Variants in NFIL3 observed in about 807,000 individuals in gnomAD.
The protein encoded by NFIL3 is nuclear factor, interleukin 3 regulated, also known as nuclear factor interleukin-3-regulated protein.
Under a neutral mutation model 10.0 loss-of-function variants are expected in NFIL3, and 5 were observed. That is an observed-to-expected ratio of 0.50 (90% CI 0.26 to 1.06). The LOEUF is 1.06. NFIL3 is among the 50% of genes least tolerant of loss of function. The pLI is 0.13. For missense variants in NFIL3, 436 were observed against 547.6 expected, an observed-to-expected ratio of 0.80 and a Z score of 2.03; for synonymous variants, 202 against 206.5, an observed-to-expected ratio of 0.98 and a Z score of 0.19.
At chr9:91,424,024 G>A (rs1233809197), upstream of NFIL3, among the ~76,000 whole-genome samples, 4 of 147,126 alleles carry the variant, frequency 2.7e-5, no homozygotes, top group Non-Finnish European at 4.5e-5. Flanking sequence ...CCTCCGCGGC[G>A]GCGCCACTAC....
At chr9:91,443,065 C>T in the NFIL3 span, among the ~76,000 whole-genome samples, 2 of 152,126 alleles carry the variant, frequency 1.3e-5, no homozygotes, top group Non-Finnish European at 2.9e-5. Flanking sequence ...GTGGGTAGCT[C>T]CTTTCTGCAG....
chr9:91,481,086 TTAAA>T, the NFIL3 span, among the ~76,000 whole-genome samples: 1 of 152,222 alleles, frequency 6.6e-6, no homozygotes, highest in Non-Finnish European at 1.5e-5. Flanking sequence ...TTTTTAAAAG[TTAAA>T]TAACACATAG....
the NFIL3 span, among the ~76,000 whole-genome samples, chr9:91,447,445 T>C: frequency 6.6e-6 from 1 of 152,236 alleles, no homozygotes; most frequent in Non-Finnish European, 1.5e-5. Context: ...TTTATATTTA[T>C]GCCAATGACA....
At chr9:91,453,784 C>A in the NFIL3 span, among the ~76,000 whole-genome samples, 1 of 151,946 alleles carries the variant, frequency 6.6e-6, no homozygotes, top group Non-Finnish European at 1.5e-5. Context: ...TTAAAAATAG[C>A]CACAAAATGA....
rs1833821218 is a variant in NFIL3 at position 91,423,790 on chromosome 9, G to C, written c.-323C>G. The C allele has an allele frequency of 6.9e-6, 1 of 145,110 alleles. No homozygotes were observed. The allele number at this position is 145,110 out of a possible 1,614,324, so 9.0% of individuals were successfully genotyped here. A position where few individuals can be genotyped will look rare whatever the true frequency, so the allele number is the denominator to read the frequency against. Reference sequence around the variant, plus strand: ...CGCGGCGCGGGAGGCGGGCGGGCGCGCCGGGTCCGCGGGCGCCGTGGCCGC... The same window carrying C: ...CGCGGCGCGGGAGGCGGGCGGGCGCCCCGGGTCCGCGGGCGCCGTGGCCGC... On this transcript the variant is annotated 5_prime_UTR_variant, in exon 1 of 2. Coordinates refer to ENST00000297689, the MANE Select transcript of NFIL3 (RefSeq NM_005384.3).
At chr9:91,460,478 T>C in the NFIL3 span, among the ~76,000 whole-genome samples, 1 of 151,832 alleles carries the variant, frequency 6.6e-6, no homozygotes, top group East Asian at 1.9e-4. Flanking sequence ...GGTTTCACAA[T>C]GTTGGCCAGG....
At chr9:91,444,879 A>T in the NFIL3 span, among the ~76,000 whole-genome samples, 1 of 152,188 alleles carries the variant, frequency 6.6e-6, no homozygotes, top group Admixed American at 6.5e-5. Flanking sequence ...TCTTCGTTTC[A>T]AGCCTGACAT....
At chr9:91,463,716 T>C in the NFIL3 span, among the ~76,000 whole-genome samples, 2 of 152,194 alleles carry the variant, frequency 1.3e-5, no homozygotes, top group East Asian at 3.8e-4. Flanking sequence ...ATATCCTTTC[T>C]GATTTTCTGT....
At chr9:91,411,454 A>G (rs1587961921) in intron 1 of NFIL3, among the ~76,000 whole-genome samples, 3 of 152,254 alleles carry the variant, frequency 2.0e-5, no homozygotes, top group African/African-American at 7.2e-5. Context: ...AAATGGAGAC[A>G]AACTTCTTCT....
intron 1 of NFIL3, among the ~76,000 whole-genome samples, chr9:91,419,112 A>C (rs1354732293): frequency 2.0e-5 from 3 of 152,198 alleles, no homozygotes; most frequent in Non-Finnish European, 4.4e-5. Flanking sequence ...AAAAACAAGA[A>C]ATGAATATTA....
chr9:91,446,589 C>T, the NFIL3 span, among the ~76,000 whole-genome samples: 1 of 152,190 alleles, frequency 6.6e-6, no homozygotes, highest in South Asian at 2.1e-4. Context: ...AATGGAAACT[C>T]TGTAACCATA....
the NFIL3 span, among the ~76,000 whole-genome samples, chr9:91,450,560 G>C: frequency 2.6e-5 from 4 of 152,144 alleles, no homozygotes; most frequent in African/African-American, 9.7e-5. Flanking sequence ...TATAGTTGGA[G>C]AAGATGCTTT....
At chr9:91,447,275 AT>A in the NFIL3 span, among the ~76,000 whole-genome samples, 1 of 152,296 alleles carries the variant, frequency 6.6e-6, no homozygotes, top group Non-Finnish European at 1.5e-5. Context: ...ATTATGAACT[AT>A]GCTGTGATGA....
the NFIL3 span, among the ~76,000 whole-genome samples, chr9:91,440,666 G>C: frequency 2.0e-5 from 3 of 152,000 alleles, no homozygotes; most frequent in African/African-American, 7.2e-5. Flanking sequence ...TCTCAGAACT[G>C]CTGCTGCTGC....
chr9:91,433,588 A>G, the NFIL3 span, among the ~76,000 whole-genome samples: 1 of 152,354 alleles, frequency 6.6e-6, no homozygotes, highest in African/African-American at 2.4e-5. Flanking sequence ...AAAAATGGAC[A>G]TGATGCTAGA....
the NFIL3 span, among the ~76,000 whole-genome samples, chr9:91,467,556 C>CT: frequency 1.9e-3 from 295 of 152,060 alleles, 1 homozygote; most frequent in Admixed American, 2.7e-3. Context: ...TACTATTATA[C>CT]TTTGAGTTCT....
chr9:91,469,385 C>G, the NFIL3 span, among the ~76,000 whole-genome samples: 48 of 152,228 alleles, frequency 3.2e-4, no homozygotes, highest in African/African-American at 2.4e-4. Flanking sequence ...GATTTTGTAT[C>G]CTGAGACTTT....
At chr9:91,479,087 G>A in the NFIL3 span, among the ~76,000 whole-genome samples, 1 of 152,200 alleles carries the variant, frequency 6.6e-6, no homozygotes, top group African/African-American at 2.4e-5. Context: ...GTCAACCCCT[G>A]CTGGGACGTG....
chr9:91,440,186 C>G, the NFIL3 span, among the ~76,000 whole-genome samples: 1 of 151,934 alleles, frequency 6.6e-6, no homozygotes, highest in Admixed American at 6.5e-5. Flanking sequence ...TTTCTTCAAT[C>G]TCTTTGTTAT....
Sources: allele counts gnomAD v4.1 joint callset (sites outside exome capture counted in the v4.1 genomes callset), GRCh38; gene constraint gnomAD v4.1.1; transcripts MANE v1.5; gene names NCBI Gene and HGNC (gene_info 2026-07-23, HGNC 2026-07-21).